The following GXYLT2 variants were observed in gnomAD, a reference collection of about 807,000 sequenced individuals.
GXYLT2 encodes the protein glucoside xylosyltransferase 2.
GXYLT2 carries 53 observed loss-of-function variants against 45.8 expected under a neutral mutation model. The ratio of observed to expected loss-of-function variants is 1.16; its 90% CI spans 0.93 to 1.46. The LOEUF (loss-of-function observed/expected upper bound fraction) is 1.46, where lower values mean the gene tolerates loss of function less well. Among genes scored for constraint, GXYLT2 ranks in the 40% most tolerant of loss-of-function variants. GXYLT2 has a pLI of 0.00. For missense variants in GXYLT2, 551 were observed against 544.4 expected, an observed-to-expected ratio of 1.01 and a Z score of -0.12; for synonymous variants, 219 against 214.2, an observed-to-expected ratio of 1.02 and a Z score of -0.19.
At position 72,975,053 on chromosome 3, in the gene GXYLT2, T is replaced by G; in HGVS notation, c.1226T>G (p.Leu409Ter). ...AAGTTTTTGGAGACTGTGCACACTTTATGTGGACGAATCCCGCAAGTTTTT... is the reference window on the plus strand; with the variant it reads ...AAGTTTTTGGAGACTGTGCACACTTGATGTGGACGAATCCCGCAAGTTTTT... ...QLKFLETVHT[L>*]CGRIPQVFLK... Residue 409 changes from leucine to a stop codon, truncating the protein, a stop_gained, in exon 7 of 7, where the codon TTA (leucine) becomes TGA (stop). Transcript: ENST00000389617. LOFTEE classifies it high-confidence loss of function. 1 of 1,613,376 alleles carries G rather than the reference T, an allele frequency of 6.2e-7. No individual in the cohort carries two copies. Among genetic ancestry groups the G allele is most frequent in the Non-Finnish European group, 8.5e-7 (1 of 1,179,386 alleles).
Position 72,915,365 on chromosome 3 carries a change from G to C in GXYLT2, c.468+6806G>C, listed in dbSNP as rs771251568. On this transcript the variant is annotated intron_variant, in intron 2 of 6. Coordinates refer to ENST00000389617, the MANE Select transcript of GXYLT2 (RefSeq NM_001080393.2). ...TTTTTTTTTTTTTTTGCGGGGGGGGGGGGGATTTAGGAAAAATAGCCCATA... is the reference window on the plus strand; with the variant it reads ...TTTTTTTTTTTTTTTGCGGGGGGGGCGGGGATTTAGGAAAAATAGCCCATA... Among the ~76,000 whole-genome samples, 136 of 132,270 alleles carry C rather than the reference G, an allele frequency of 1.0e-3. 5 individuals carry two copies. The highest frequency in any genetic ancestry group is 3.8e-3 in the Middle Eastern group (1 of 264). The allele number at this position is 132,270 out of a possible 152,430, so 86.8% of individuals were successfully genotyped here.
chr3:72,928,470 C>T (rs1282938940), intron 3 of GXYLT2, among the ~76,000 whole-genome samples: 1 of 152,154 alleles, frequency 6.6e-6, no homozygotes, highest in Non-Finnish European at 1.5e-5. Context: ...CATGGTATCT[C>T]CTTGGGAGGC....
intron 1 of GXYLT2, among the ~76,000 whole-genome samples, chr3:72,888,961 C>A (rs1360235263): frequency 6.6e-6 from 1 of 152,040 alleles, no homozygotes; most frequent in African/African-American, 2.4e-5. Context: ...CCTCGAGTAC[C>A]CCCATGCTTA....
intron 1 of GXYLT2, among the ~76,000 whole-genome samples, chr3:72,897,874 A>G (rs1440360662): frequency 2.0e-5 from 3 of 151,634 alleles, no homozygotes; most frequent in Non-Finnish European, 2.9e-5. Context: ...GCTTTCTAGA[A>G]CCTCTCTAGT....
intron 6 of GXYLT2, among the ~76,000 whole-genome samples, chr3:72,971,947 TAAAA>T (rs77835059): frequency 2.3e-5 from 3 of 130,626 alleles, no homozygotes; most frequent in African/African-American, 2.8e-5. Flanking sequence ...ACACTCCATC[TAAAA>T]AAAAAAAAAA....
chr3:72,931,390 T>G (rs1202315641), intron 3 of GXYLT2, among the ~76,000 whole-genome samples: 6 of 150,540 alleles, frequency 4.0e-5, no homozygotes, highest in African/African-American at 1.5e-4. Flanking sequence ...TCACCACACA[T>G]GGCTAATTTT....
At chr3:72,936,946 C>G (rs968646215) in intron 3 of GXYLT2, among the ~76,000 whole-genome samples, 17 of 152,146 alleles carry the variant, frequency 1.1e-4, no homozygotes, top group African/African-American at 4.1e-4. Context: ...ATTATTTAGA[C>G]ACACAGAGGT....
chr3:72,956,476 T>C (rs1057165791), intron 4 of GXYLT2, among the ~76,000 whole-genome samples: 1 of 152,216 alleles, frequency 6.6e-6, no homozygotes. Context: ...TTCCTTAAGA[T>C]ACCTGAACTC....
chr3:72,929,914 C>T (rs967172931), intron 3 of GXYLT2, among the ~76,000 whole-genome samples: 1 of 152,048 alleles, frequency 6.6e-6, no homozygotes, highest in Admixed American at 6.6e-5. Flanking sequence ...TGCCTGTAAT[C>T]CCAGCACTTT....
At chr3:72,937,559 A>C (rs1710214907) in intron 3 of GXYLT2, among the ~76,000 whole-genome samples, 1 of 152,180 alleles carries the variant, frequency 6.6e-6, no homozygotes, top group Non-Finnish European at 1.5e-5. Flanking sequence ...GAGGAAACTG[A>C]AATTGAGGAA....
chr3:72,888,182 T>A lies in GXYLT2; in HGVS notation c.-52T>A, dbSNP rs904297353. ...TGCACTCATCCTGCCGCCGCCGCGA[T>A]GCGCAGAGGGGCCGAGCCGCCTGGG... On this transcript the variant is annotated 5_prime_UTR_variant, in exon 1 of 7. An upstream start codon of the reference 5' UTR is lost. Transcript: ENST00000389617. 2.0e-6 allele frequency: 2 copies of A among 978,672 alleles called. No individual in the cohort carries two copies. Among genetic ancestry groups the A allele is most frequent in the Non-Finnish European group, 2.4e-6 (2 of 826,404 alleles). The allele number at this position is 978,672 out of a possible 1,614,324, so 60.6% of individuals were successfully genotyped here.
chr3:72,919,497 G>A (rs1316079932), intron 2 of GXYLT2, among the ~76,000 whole-genome samples: 1 of 152,230 alleles, frequency 6.6e-6, no homozygotes, highest in Non-Finnish European at 1.5e-5. Flanking sequence ...GCTCACGCCT[G>A]TAATCCCAAC....
intron 3 of GXYLT2, among the ~76,000 whole-genome samples, chr3:72,953,952 A>G (rs1710575796): frequency 6.6e-6 from 1 of 152,064 alleles, no homozygotes. Context: ...AAAGCCAGGC[A>G]TGGTGGTGTG....
chr3:72,944,805 C>T (rs1459980932), intron 3 of GXYLT2, among the ~76,000 whole-genome samples: 2 of 152,024 alleles, frequency 1.3e-5, no homozygotes, highest in Non-Finnish European at 2.9e-5. Flanking sequence ...CTTTCTAGCC[C>T]TTTAGTTTGC....
chr3:72,959,175 T>G (rs13099084), intron 5 of GXYLT2, among the ~76,000 whole-genome samples: 68,512 of 139,864 alleles, frequency 0.49, 19,042 homozygotes, highest in Non-Finnish European at 0.62. Context: ...TGGAGTGCAG[T>G]GGCATGATCT....
chr3:72,913,088 A>C (rs1230736718), intron 2 of GXYLT2, among the ~76,000 whole-genome samples: 3 of 140,942 alleles, frequency 2.1e-5, no homozygotes, highest in African/African-American at 8.2e-5. Flanking sequence ...CCCAGGTGGG[A>C]GTGCAGTGGC....
chr3:72,933,827 C>A (rs1329200146), intron 3 of GXYLT2, among the ~76,000 whole-genome samples: 2 of 151,972 alleles, frequency 1.3e-5, no homozygotes, highest in African/African-American at 2.4e-5. Context: ...ACTTGAGCTC[C>A]AGGAGATCGA....
intron 3 of GXYLT2, among the ~76,000 whole-genome samples, chr3:72,946,688 T>A (rs572419013): frequency 6.6e-6 from 1 of 152,320 alleles, no homozygotes; most frequent in South Asian, 2.1e-4. Context: ...TATAACCTTA[T>A]CACCTTTTAG....
intron 5 of GXYLT2, among the ~76,000 whole-genome samples, chr3:72,966,940 A>G (rs1317278104): frequency 1.3e-5 from 2 of 151,982 alleles, no homozygotes; most frequent in Non-Finnish European, 2.9e-5. Context: ...GCTAATTTTT[A>G]AAATTTGTAT....
Sources: gnomAD v4.1 joint callset for allele counts (sites outside exome capture counted in the v4.1 genomes callset) on GRCh38, gnomAD v4.1.1 for gene constraint, MANE v1.5 for transcripts, NCBI Gene and HGNC (gene_info 2026-07-23, HGNC 2026-07-21) for gene names.